The following PLXDC2 variants were observed in gnomAD, a reference collection of about 807,000 sequenced individuals.
The protein encoded by PLXDC2 is plexin domain containing 2.
Under a neutral mutation model 68.9 loss-of-function variants are expected in PLXDC2, and 40 were observed. The ratio of observed to expected loss-of-function variants is 0.58; its 90% CI spans 0.45 to 0.76. The LOEUF (loss-of-function observed/expected upper bound fraction) is 0.76. Ranked by LOEUF, PLXDC2 falls within the 30% of genes least tolerant of loss-of-function variation. The pLI is 0.00. For missense variants in PLXDC2, 644 were observed against 661.9 expected (o/e 0.97, Z 0.30); for synonymous variants, 243 against 234.2 (o/e 1.04, Z -0.34).
chr10:19,952,036 T>C (rs1482250600), intron 1 of PLXDC2, among the ~76,000 whole-genome samples: 1 of 152,104 alleles, frequency 6.6e-6, no homozygotes, highest in African/African-American at 2.4e-5. Flanking sequence ...GACAAACTAC[T>C]GGGTACTATG....
chr10:20,168,332 TAGCA>T (rs1431257004), intron 7 of PLXDC2, among the ~76,000 whole-genome samples: 3 of 152,140 alleles, frequency 2.0e-5, no homozygotes. Context: ...ATGCATTACC[TAGCA>T]GAGAGTAAGT....
At chr10:20,069,493 CA>C (rs1836279099) in intron 4 of PLXDC2, among the ~76,000 whole-genome samples, 1 of 151,968 alleles carries the variant, frequency 6.6e-6, no homozygotes. Flanking sequence ...CCTATATCTA[CA>C]AAAACATTTA....
chr10:19,920,278 G>A (rs985038729), intron 1 of PLXDC2, among the ~76,000 whole-genome samples: 2 of 152,160 alleles, frequency 1.3e-5, no homozygotes, highest in African/African-American at 4.8e-5. Context: ...TCCCTGGCTA[G>A]GGCTCCACCC....
chr10:19,887,392 G>C (rs1323462001), intron 1 of PLXDC2, among the ~76,000 whole-genome samples: 1 of 152,106 alleles, frequency 6.6e-6, no homozygotes, highest in East Asian at 1.9e-4. Flanking sequence ...GTGGTGGCAG[G>C]TGCCTGTAGT....
At chr10:20,250,457 C>G (rs1450042201) in intron 13 of PLXDC2, among the ~76,000 whole-genome samples, 1 of 152,084 alleles carries the variant, frequency 6.6e-6, no homozygotes, top group African/African-American at 2.4e-5. Context: ...AAGTGATTGA[C>G]ACTTATTACC....
At chr10:20,227,603 C>G (rs1835303141) in intron 12 of PLXDC2, among the ~76,000 whole-genome samples, 1 of 152,112 alleles carries the variant, frequency 6.6e-6, no homozygotes, top group South Asian at 2.1e-4. Flanking sequence ...GTTTCTCAAC[C>G]TCACCAGCCA....
intron 1 of PLXDC2, among the ~76,000 whole-genome samples, chr10:19,818,227 G>GGT (rs749435110): frequency 0.13 from 18,047 of 137,332 alleles, 1,246 homozygotes; most frequent in African/African-American, 0.18. Flanking sequence ...GTTCTTTTCT[G>GGT]GTGTGTGTGT....
chr10:20,025,075 T>A (rs1389131080), intron 2 of PLXDC2, among the ~76,000 whole-genome samples: 1 of 152,172 alleles, frequency 6.6e-6, no homozygotes, highest in Non-Finnish European at 1.5e-5. Context: ...ATGTATTTTC[T>A]TTTGAATATA....
intron 4 of PLXDC2, among the ~76,000 whole-genome samples, chr10:20,101,844 C>T (rs1479314386): frequency 4.0e-5 from 6 of 151,594 alleles, no homozygotes; most frequent in African/African-American, 9.7e-5. Context: ...GTTGCCCAGG[C>T]TGGAGTGCAG....
At chr10:20,011,012 A>G (rs1835103669) in intron 2 of PLXDC2, among the ~76,000 whole-genome samples, 1 of 152,212 alleles carries the variant, frequency 6.6e-6, no homozygotes, top group Non-Finnish European at 1.5e-5. Context: ...AATTTCCAAG[A>G]GGACATATCA....
Position 20,280,149 on chromosome 10 carries a change from G to GA in PLXDC2, c.*340dup, listed in dbSNP as rs199670298. The stretch of plus-strand genomic sequence containing the variant: ...TAGGTGCAGGGTTGCAAAGGGATCA[G>GA]AAAAAAAAAATCATAATAAAGCTTT... On this transcript the variant is annotated 3_prime_UTR_variant, in exon 14 of 14. Coordinates refer to ENST00000377252, the MANE Select transcript of PLXDC2 (RefSeq NM_032812.9). 7.7e-3 allele frequency: 1,513 copies of GA among 195,226 alleles called. 3 individuals are homozygous for GA. Among genetic ancestry groups the GA allele is most frequent in the Middle Eastern group, 0.017 (9 of 532 alleles). 12.1% of individuals were successfully genotyped at this position (195,226 alleles called of 1,614,324 possible).
chr10:20,274,750 A>G (rs908398172), intron 13 of PLXDC2, among the ~76,000 whole-genome samples: 1 of 152,114 alleles, frequency 6.6e-6, no homozygotes, highest in African/African-American at 2.4e-5. Context: ...AGCCACACAC[A>G]GGAGCCGTTT....
At chr10:20,009,324 T>G (rs1835073056) in intron 2 of PLXDC2, among the ~76,000 whole-genome samples, 1 of 152,212 alleles carries the variant, frequency 6.6e-6, no homozygotes, top group South Asian at 2.1e-4. Flanking sequence ...CCTTTGATAT[T>G]GAACAGTCCT....
At chr10:19,904,513 G>C (rs1184384547) in intron 1 of PLXDC2, among the ~76,000 whole-genome samples, 1 of 151,988 alleles carries the variant, frequency 6.6e-6, no homozygotes, top group Non-Finnish European at 1.5e-5. Flanking sequence ...CATTGAGTCT[G>C]TTTCCAGGCA....
At chr10:20,057,719 G>A (rs1836023422) in intron 3 of PLXDC2, among the ~76,000 whole-genome samples, 1 of 152,052 alleles carries the variant, frequency 6.6e-6, no homozygotes, top group South Asian at 2.1e-4. Flanking sequence ...GAAAAGAAAT[G>A]CCAAGTAAGG....
At chr10:19,962,944 C>G (rs1044576177) in intron 1 of PLXDC2, among the ~76,000 whole-genome samples, 2 of 139,058 alleles carry the variant, frequency 1.4e-5, no homozygotes, top group African/African-American at 5.4e-5. Flanking sequence ...GAGCCGAGAT[C>G]GTGAAACTGT....
intron 9 of PLXDC2, among the ~76,000 whole-genome samples, chr10:20,210,819 A>G (rs1474287570): frequency 1.3e-5 from 2 of 152,162 alleles, no homozygotes; most frequent in Non-Finnish European, 2.9e-5. Flanking sequence ...TTCCCCAATA[A>G]CAATGTGCAA....
chr10:19,850,662 C>A (rs1321807690), intron 1 of PLXDC2, among the ~76,000 whole-genome samples: 2 of 152,146 alleles, frequency 1.3e-5, no homozygotes, highest in African/African-American at 4.8e-5. Context: ...CTGTTAAATT[C>A]TTTATAAGCG....
intron 12 of PLXDC2, among the ~76,000 whole-genome samples, chr10:20,234,663 CTT>C (rs58791520): frequency 1.3e-3 from 162 of 125,400 alleles, no homozygotes; most frequent in African/African-American, 4.5e-3. Context: ...GGGTTTCTTT[CTT>C]TTTTTTTTTT....
Sources: gnomAD v4.1 joint callset for allele counts (sites outside exome capture counted in the v4.1 genomes callset) on GRCh38, gnomAD v4.1.1 for gene constraint, MANE v1.5 for transcripts, NCBI Gene and HGNC (gene_info 2026-07-23, HGNC 2026-07-21) for gene names.